The following CDH18 variants were observed in gnomAD, a reference collection of about 807,000 sequenced individuals.
CDH18 encodes the protein cadherin-18.
A neutral mutation model predicts 67.9 loss-of-function variants in CDH18; 31 were observed. The observed-to-expected ratio is 0.46, with a 90% CI of 0.34 to 0.62. CDH18 has a LOEUF of 0.62. CDH18 is among the 20% of genes least tolerant of loss of function. The probability of loss-of-function intolerance (pLI) is 0.01; values close to 1 mark genes in which losing one functional copy is unlikely to be tolerated. For missense variants in CDH18, 890 were observed against 975.5 expected (o/e 0.91, Z 1.17); for synonymous variants, 362 against 347.2 (o/e 1.04, Z -0.48).
chr5:19,567,474 G>A (rs1436215260), intron 8 of CDH18, among the ~76,000 whole-genome samples: 1 of 152,050 alleles, frequency 6.6e-6, no homozygotes, highest in African/African-American at 2.4e-5. Context: ...GCATTTCAGG[G>A]CACATTGCAA....
chr5:20,143,886 G>A (rs1750433281), intron 2 of CDH18, among the ~76,000 whole-genome samples: 2 of 152,166 alleles, frequency 1.3e-5, no homozygotes, highest in African/African-American at 4.8e-5. Flanking sequence ...TGATTTAGGT[G>A]TATAATGCAA....
intron 2 of CDH18, among the ~76,000 whole-genome samples, chr5:19,840,799 T>G (rs149032573): frequency 1.1e-3 from 174 of 152,322 alleles, no homozygotes; most frequent in East Asian, 9.8e-3. Context: ...TATATATGTG[T>G]GCTTGAATAT....
chr5:19,851,752 TG>T (rs1783730912), intron 2 of CDH18, among the ~76,000 whole-genome samples: 2 of 129,976 alleles, frequency 1.5e-5, no homozygotes, highest in African/African-American at 4.2e-5. Context: ...TGTGTGTGTA[TG>T]TGTGTGTGTG....
intron 1 of CDH18, among the ~76,000 whole-genome samples, chr5:20,261,188 A>T (rs750216062): frequency 6.6e-6 from 1 of 152,168 alleles, no homozygotes; most frequent in African/African-American, 2.4e-5. Context: ...CTTTCATTCC[A>T]TATTATCATT....
intron 5 of CDH18, among the ~76,000 whole-genome samples, chr5:19,705,019 T>G (rs913722981): frequency 6.6e-6 from 1 of 152,220 alleles, no homozygotes; most frequent in Non-Finnish European, 1.5e-5. Context: ...GTAAACAACC[T>G]GCAGCCTGCT....
chr5:20,166,203 G>A (rs144858085), intron 2 of CDH18, among the ~76,000 whole-genome samples: 5,216 of 152,012 alleles, frequency 0.034, 303 homozygotes, highest in African/African-American at 0.12. Flanking sequence ...CACTTTGTGA[G>A]GCCAAGGCTG....
chr5:20,188,247 T>A (rs907240710), intron 2 of CDH18, among the ~76,000 whole-genome samples: 2 of 152,016 alleles, frequency 1.3e-5, no homozygotes, highest in African/African-American at 4.8e-5. Context: ...GGTAATGAAT[T>A]AAGAAACCTC....
chr5:20,243,966 TG>T (rs1743182625), intron 2 of CDH18, among the ~76,000 whole-genome samples: 1 of 152,122 alleles, frequency 6.6e-6, no homozygotes, highest in African/African-American at 2.4e-5. Context: ...CAGACAGATC[TG>T]TATGCTCAGA....
At chr5:19,618,207 CTT>C (rs1275011158) in intron 5 of CDH18, among the ~76,000 whole-genome samples, 2 of 151,374 alleles carry the variant, frequency 1.3e-5, no homozygotes, top group African/African-American at 4.9e-5. Context: ...GCTTATTTTT[CTT>C]TCTTTTTTTT....
rs984589418 is a variant in CDH18, at chr5:19,730,234, T to C, written c.524-8768A>G. Among the ~76,000 whole-genome samples, 7 of 152,208 alleles carry C rather than the reference T, an allele frequency of 4.6e-5. No homozygotes were observed. The East Asian group carries it at 7.7e-4, about 17-fold the overall frequency. On this transcript the variant is annotated intron_variant, in intron 4 of 12. Coordinates refer to ENST00000382275, the MANE Select transcript of CDH18 (RefSeq NM_004934.5). ...TTTGACTTTTCAGTCCCTCCATTTT[T>C]GTAACTTGTTCTCAATTTTCTCTAT... is the stretch of plus-strand genomic sequence containing the variant.
intron 5 of CDH18, among the ~76,000 whole-genome samples, chr5:19,634,530 G>A (rs188836517): frequency 3.9e-4 from 60 of 152,274 alleles, no homozygotes; most frequent in East Asian, 3.5e-3. Context: ...GCCTAGAGAA[G>A]CACAAGTAAC....
intron 1 of CDH18, among the ~76,000 whole-genome samples, chr5:20,321,921 C>G (rs1362478962): frequency 1.3e-5 from 2 of 152,286 alleles, no homozygotes; most frequent in East Asian, 3.9e-4. Flanking sequence ...TCAGTTTTTA[C>G]AAATTTGCCC....
At chr5:20,560,154 G>A (rs1758120060) in intron 1 of CDH18, among the ~76,000 whole-genome samples, 1 of 152,084 alleles carries the variant, frequency 6.6e-6, no homozygotes, top group African/African-American at 2.4e-5. Context: ...AGGCTCCCGT[G>A]CTGTCACAGA....
intron 1 of CDH18, among the ~76,000 whole-genome samples, chr5:20,546,601 T>C (rs1016973512): frequency 6.6e-6 from 1 of 152,028 alleles, no homozygotes; most frequent in Non-Finnish European, 1.5e-5. Context: ...TCGCGATAAC[T>C]CACTCACTAT....
At chr5:20,471,952 G>A (rs1752120508) in intron 1 of CDH18, among the ~76,000 whole-genome samples, 2 of 152,368 alleles carry the variant, frequency 1.3e-5, no homozygotes, top group Non-Finnish European at 1.5e-5. Context: ...CTGGGTGTCT[G>A]TCTAACTTGG....
At chr5:20,524,932 G>A (rs966934223) in intron 1 of CDH18, among the ~76,000 whole-genome samples, 1 of 152,182 alleles carries the variant, frequency 6.6e-6, no homozygotes, top group African/African-American at 2.4e-5. Context: ...TAGCAACAAG[G>A]TTAGAACCCA....
chr5:19,994,522 G>C (rs1296787428), intron 2 of CDH18, among the ~76,000 whole-genome samples: 8 of 149,440 alleles, frequency 5.4e-5, no homozygotes, highest in Non-Finnish European at 1.0e-4. Flanking sequence ...AACTTGAAAA[G>C]GCTACTGAAA....
chr5:20,042,894 A>G (rs1047998474), intron 2 of CDH18, among the ~76,000 whole-genome samples: 4 of 151,946 alleles, frequency 2.6e-5, no homozygotes, highest in South Asian at 2.1e-4. Context: ...CCCGGGAGGC[A>G]GAGCTTGCAG....
chr5:20,528,470 G>A (rs1347729302), intron 1 of CDH18, among the ~76,000 whole-genome samples: 2 of 151,904 alleles, frequency 1.3e-5, no homozygotes, highest in African/African-American at 4.8e-5. Context: ...GGCACCACAT[G>A]ACACTTACTC....
Sources: gnomAD v4.1 joint callset for allele counts (sites outside exome capture counted in the v4.1 genomes callset) on GRCh38, gnomAD v4.1.1 for gene constraint, MANE v1.5 for transcripts, NCBI Gene and HGNC (gene_info 2026-07-23, HGNC 2026-07-21) for gene names.